Variants in PDE10A observed in about 807,000 individuals in gnomAD.
PDE10A encodes cAMP and cAMP-inhibited cGMP 3',5'-cyclic phosphodiesterase 10A.
Under a neutral mutation model 97.7 loss-of-function variants are expected in PDE10A, and 39 were observed. The ratio of observed to expected loss-of-function variants is 0.40; its 90% CI spans 0.31 to 0.52. PDE10A has a LOEUF of 0.52. Ranked by LOEUF, PDE10A falls within the 20% of genes least tolerant of loss-of-function variation. The pLI, the probability that PDE10A is intolerant of heterozygous loss-of-function variation, is 0.56. For synonymous variants in PDE10A, 371 were observed against 376.8 expected (o/e 0.98, Z 0.18); for missense variants, 731 against 1,047.8 (o/e 0.70, Z 4.17).
intron 1 of PDE10A, among the ~76,000 whole-genome samples, chr6:165,918,639 G>A (rs1025085838): frequency 2.6e-5 from 4 of 152,224 alleles, no homozygotes; most frequent in Non-Finnish European, 4.4e-5. Context: ...TGTGCCTATA[G>A]TAGCTCATAA....
At chr6:165,726,141 G>C (rs1562705916) in intron 1 of PDE10A, among the ~76,000 whole-genome samples, 1 of 152,192 alleles carries the variant, frequency 6.6e-6, no homozygotes, top group Non-Finnish European at 1.5e-5. Context: ...GAGGAGCTGT[G>C]TAGTTGTGTT....
intron 1 of PDE10A, among the ~76,000 whole-genome samples, chr6:165,766,108 G>C (rs1777844706): frequency 6.6e-6 from 1 of 152,138 alleles, no homozygotes; most frequent in Non-Finnish European, 1.5e-5. Context: ...TAGTCCCGCC[G>C]TCCCCTCAGC....
chr6:165,943,306 A>AGAAG (rs1451520603), intron 1 of PDE10A, among the ~76,000 whole-genome samples: 1 of 132,536 alleles, frequency 7.5e-6, no homozygotes, highest in Non-Finnish European at 1.6e-5. Context: ...AAAGAAAGAA[A>AGAAG]GAAGGAAGGA....
chr6:165,466,118 C>G (rs916927391), intron 3 of PDE10A, among the ~76,000 whole-genome samples: 2 of 152,146 alleles, frequency 1.3e-5, no homozygotes, highest in African/African-American at 4.8e-5. Context: ...ATCATTAGCT[C>G]AGTTCAATAA....
intron 1 of PDE10A, among the ~76,000 whole-genome samples, chr6:165,943,707 G>A (rs954030572): frequency 6.6e-6 from 1 of 152,214 alleles, no homozygotes; most frequent in Non-Finnish European, 1.5e-5. Flanking sequence ...TGCCATGTTG[G>A]TGAAGAAGGA....
intron 1 of PDE10A, among the ~76,000 whole-genome samples, chr6:165,724,822 T>C (rs907685596): frequency 2.0e-5 from 3 of 152,194 alleles, no homozygotes; most frequent in Non-Finnish European, 2.9e-5. Flanking sequence ...TGACCATTTA[T>C]GGCAGCAGCA....
chr6:165,664,016 G>A (rs999353493), upstream of PDE10A, among the ~76,000 whole-genome samples: 3 of 152,206 alleles, frequency 2.0e-5, no homozygotes, highest in Non-Finnish European at 4.4e-5. Context: ...GCGCGGCGGG[G>A]CCACCATGGC....
intron 17 of PDE10A, among the ~76,000 whole-genome samples, chr6:165,381,540 C>T (rs542965469): frequency 1.3e-5 from 2 of 152,258 alleles, no homozygotes; most frequent in Admixed American, 1.3e-4. Flanking sequence ...TCTCTGCTCA[C>T]CACAATCTCT....
intron 1 of PDE10A, among the ~76,000 whole-genome samples, chr6:165,938,774 A>G (rs545196629): frequency 6.6e-6 from 1 of 152,306 alleles, no homozygotes; most frequent in South Asian, 2.1e-4. Flanking sequence ...ACACACACAC[A>G]CACACGCACT....
chr6:165,727,358 T>C (rs1419353888), intron 1 of PDE10A, among the ~76,000 whole-genome samples: 2 of 152,144 alleles, frequency 1.3e-5, no homozygotes, highest in African/African-American at 4.8e-5. Context: ...GTGAGACAAA[T>C]CCAGCCACCA....
At chr6:165,601,530 C>T (rs910578365) in intron 1 of PDE10A, among the ~76,000 whole-genome samples, 4 of 152,150 alleles carry the variant, frequency 2.6e-5, no homozygotes, top group Non-Finnish European at 5.9e-5. Context: ...TTGGTAGACT[C>T]CCATACTTTT....
At chr6:165,860,290 C>T (rs1264919785) in intron 1 of PDE10A, among the ~76,000 whole-genome samples, 3 of 152,034 alleles carry the variant, frequency 2.0e-5, no homozygotes, top group Non-Finnish European at 4.4e-5. Context: ...CCCATCTCTA[C>T]TAAAAATGCA....
chr6:165,574,719 G>C (rs546062253), intron 1 of PDE10A, among the ~76,000 whole-genome samples: 1 of 152,254 alleles, frequency 6.6e-6, no homozygotes, highest in South Asian at 2.1e-4. Flanking sequence ...TTAAAAGTGA[G>C]AGTGCATTTA....
chr6:165,766,374 C>T (rs1295518979), intron 1 of PDE10A, among the ~76,000 whole-genome samples: 3 of 152,196 alleles, frequency 2.0e-5, no homozygotes, highest in African/African-American at 4.8e-5. Context: ...GCTTATAAGG[C>T]GCCAGCAGTA....
chr6:165,410,034 G>A (rs975574735), intron 13 of PDE10A, among the ~76,000 whole-genome samples: 3 of 151,944 alleles, frequency 2.0e-5, no homozygotes, highest in Non-Finnish European at 4.4e-5. Flanking sequence ...TATTTCAAGG[G>A]ATACATGGAC....
chr6:165,602,578 G>A lies in PDE10A; in HGVS notation c.866-59010C>T, dbSNP rs564898910. ...GTTTCAGGGCCCAGCATGTGTACAG[G>A]CCCCTTCCAAGGTCCTGGGAATGAC... On this transcript the variant is annotated intron_variant, in intron 1 of 21. Transcript: ENST00000539869. Among the ~76,000 whole-genome samples the A allele has an allele frequency of 4.6e-5, 7 of 152,254 alleles. No homozygotes were observed. In the South Asian group the frequency reaches 1.2e-3, roughly 27 times the overall value.
intron 1 of PDE10A, chr6:165,780,988 AG>A (rs1341191739): frequency 6.6e-6 from 1 of 152,042 alleles, no homozygotes; most frequent in Non-Finnish European, 1.5e-5. Context: ...GCCTAGTGGG[AG>A]GTGTTGGAAT....
chr6:165,380,436 A>T (rs1209504003), intron 17 of PDE10A, among the ~76,000 whole-genome samples: 1 of 152,242 alleles, frequency 6.6e-6, no homozygotes, highest in Non-Finnish European at 1.5e-5. Flanking sequence ...GTTTTCAATT[A>T]TCAGAACAGT....
intron 1 of PDE10A, among the ~76,000 whole-genome samples, chr6:165,927,479 G>A (rs905977888): frequency 6.6e-6 from 1 of 151,672 alleles, no homozygotes; most frequent in Non-Finnish European, 1.5e-5. Flanking sequence ...ATGATTTATG[G>A]AAATAATATA....
Sources: gnomAD v4.1 joint callset for allele counts (sites outside exome capture counted in the v4.1 genomes callset) on GRCh38, gnomAD v4.1.1 for gene constraint, MANE v1.5 for transcripts, NCBI Gene and HGNC (gene_info 2026-07-23, HGNC 2026-07-21) for gene names.